Variants in SYBU observed in about 807,000 individuals in gnomAD.
The protein encoded by SYBU is syntabulin, also known as GOLSYN A protein.
Under a neutral mutation model 35.9 loss-of-function variants are expected in SYBU, and 21 were observed. The ratio of observed to expected loss-of-function variants is 0.58; its 90% CI spans 0.41 to 0.84. The LOEUF is 0.84. Ranked by LOEUF, SYBU falls within the 40% of genes least tolerant of loss-of-function variation. The probability of loss-of-function intolerance (pLI) is 0.00; values close to 1 mark genes in which losing one functional copy is unlikely to be tolerated. For missense variants in SYBU, 768 were observed against 848.2 expected, an observed-to-expected ratio of 0.91 and a Z score of 1.17; for synonymous variants, 319 against 324.3, an observed-to-expected ratio of 0.98 and a Z score of 0.18.
At chr8:109,642,176 C>T (rs7842227) in intron 2 of SYBU, among the ~76,000 whole-genome samples, 16,137 of 152,088 alleles carry the variant, frequency 0.11, 2,329 homozygotes, top group African/African-American at 0.33. Flanking sequence ...AAGCTGGAAA[C>T]CATCATTCTC....
chr8:109,634,024 G>A (rs1018026647), intron 2 of SYBU, among the ~76,000 whole-genome samples: 4 of 152,130 alleles, frequency 2.6e-5, no homozygotes, highest in Admixed American at 1.3e-4. Context: ...GTGAGCCACT[G>A]CAACTGGATA....
rs138352329 is a variant in SYBU, at chr8:109,687,455, C to A, written c.-58+3878G>T. On this transcript the variant is annotated intron_variant, in intron 1 of 7. Transcript: ENST00000422135. ...CACCACTGTTAATGTCTATGAAGCA[C>A]CCTGAGCATGGGATTCCAAGATATT... 1.9e-3 allele frequency among the ~76,000 whole-genome samples: 286 copies of A among 152,214 alleles called. 2 individuals are homozygous for A. Among genetic ancestry groups the A allele is most frequent in the African/African-American group, 5.9e-3 (245 of 41,538 alleles).
intron 2 of SYBU, among the ~76,000 whole-genome samples, chr8:109,625,788 G>A (rs73317098): frequency 0.054 from 8,269 of 152,144 alleles, 754 homozygotes; most frequent in African/African-American, 0.19. Flanking sequence ...TTTTCTCACT[G>A]TTATTAAAAT....
chr8:109,688,036 G>A (rs1453393387), intron 1 of SYBU, among the ~76,000 whole-genome samples: 1 of 152,080 alleles, frequency 6.6e-6, no homozygotes, highest in African/African-American at 2.4e-5. Context: ...AGGTCCTGGA[G>A]CACCTCCCAA....
At chr8:109,590,613 A>G (rs1446317968) in intron 3 of SYBU, among the ~76,000 whole-genome samples, 1 of 152,140 alleles carries the variant, frequency 6.6e-6, no homozygotes. Flanking sequence ...AAGTATTTAG[A>G]AGTGAATAAT....
At chr8:109,589,888 T>C (rs1824024532) in intron 3 of SYBU, among the ~76,000 whole-genome samples, 1 of 152,100 alleles carries the variant, frequency 6.6e-6, no homozygotes, top group Non-Finnish European at 1.5e-5. Context: ...TACTAAGCAG[T>C]ATTAAGCCAT....
intron 1 of SYBU, chr8:109,644,164 C>A (rs546559055): frequency 4.3e-6 from 2 of 460,324 alleles, no homozygotes; most frequent in South Asian, 3.1e-5. Context: ...TCCACTCTAC[C>A]CGGGGGCCGC....
intron 3 of SYBU, among the ~76,000 whole-genome samples, chr8:109,587,456 ACTTC>A (rs1223292715): frequency 6.6e-6 from 1 of 152,184 alleles, no homozygotes; most frequent in Non-Finnish European, 1.5e-5. Flanking sequence ...TCTTCATGCT[ACTTC>A]TCCCATACTA....
intron 4 of SYBU, 124 bp from the exon 5 acceptor site, chr8:109,580,126 G>C (rs905492534): frequency 1.1e-6 from 1 of 883,818 alleles, no homozygotes; most frequent in East Asian, 2.6e-5. Flanking sequence ...ACAATTATTC[G>C]TGTAGACTGT....
Position 109,597,096 on chromosome 8 carries a change from G to A in SYBU, c.428-10934C>T, listed in dbSNP as rs368543496. ...GACCCTGAATAGCCCTCAAAGATCA[G>A]GAATTACGTGATGCCCTGTTGAGTT... On this transcript the variant is annotated intron_variant, in intron 3 of 6. Coordinates refer to ENST00000276646, the MANE Select transcript of SYBU (RefSeq NM_001099754.2). Among the ~76,000 whole-genome samples, 5 of 152,154 alleles carry A rather than the reference G, an allele frequency of 3.3e-5. No individual in the cohort carries two copies. In the East Asian group the frequency reaches 7.7e-4, roughly 23 times the overall value.
upstream of SYBU, chr8:109,648,775 T>C (rs145051093): frequency 2.3e-4 from 35 of 151,936 alleles, no homozygotes; most frequent in African/African-American, 8.5e-4. Context: ...CAAGAGCTGC[T>C]GTCTCTCTCG....
chr8:109,605,715 G>C (rs1450785746), intron 3 of SYBU, among the ~76,000 whole-genome samples: 2 of 152,168 alleles, frequency 1.3e-5, no homozygotes, highest in Admixed American at 6.5e-5. Flanking sequence ...ATGTCACACA[G>C]AATTAGTGCA....
chr8:109,588,740 C>T (rs908555624), intron 3 of SYBU, among the ~76,000 whole-genome samples: 4 of 151,132 alleles, frequency 2.6e-5, no homozygotes, highest in African/African-American at 9.8e-5. Flanking sequence ...TATTAGTTGG[C>T]AACAAAGATA....
chr8:109,682,469 G>T (rs893323151), upstream of SYBU, among the ~76,000 whole-genome samples: 4 of 152,280 alleles, frequency 2.6e-5, no homozygotes, highest in African/African-American at 9.6e-5. Context: ...CAAAGAGACT[G>T]GTGGGATTTT....
chr8:109,619,884 A>T (rs761994749), intron 2 of SYBU, among the ~76,000 whole-genome samples: 22 of 152,232 alleles, frequency 1.4e-4, no homozygotes, highest in Non-Finnish European at 3.1e-4. Flanking sequence ...AAAATACATA[A>T]ATCAGATATA....
chr8:109,631,655 T>C (rs1018647788), intron 2 of SYBU, among the ~76,000 whole-genome samples: 2 of 152,206 alleles, frequency 1.3e-5, no homozygotes, highest in African/African-American at 2.4e-5. Context: ...AAATATTTAA[T>C]GTAGAATGAG....
rs779685780 is a variant in SYBU at position 109,575,119 on chromosome 8, C to T, written c.1779G>A (p.Leu593=). The T allele has an allele frequency of 2.5e-6, 4 of 1,613,560 alleles. No homozygotes were observed. In the East Asian group the frequency reaches 8.9e-5, roughly 36 times the overall value. Residue 593 remains leucine (L), a synonymous_variant, in exon 7 of 7, where the codon CTG becomes CTA. Coordinates refer to ENST00000276646, the MANE Select transcript of SYBU (RefSeq NM_001099754.2). ...ACTGCCTCACGACGCCCCCGCGAGC[C>T]AGTGGGATGACACCATCCAACCTCT... The part of the protein sequence containing the change: ...VEERLDGVIP[L]ARGGVVRQYW...
chr8:109,681,320 A>T (rs527545172), upstream of SYBU, among the ~76,000 whole-genome samples: 2 of 152,350 alleles, frequency 1.3e-5, no homozygotes, highest in African/African-American at 4.8e-5. Context: ...GATTAAGCTT[A>T]GTATAATGGG....
At chr8:109,685,265 T>C (rs1407363515), upstream of SYBU, among the ~76,000 whole-genome samples, 1 of 152,230 alleles carries the variant, frequency 6.6e-6, no homozygotes, top group East Asian at 1.9e-4. Flanking sequence ...ATTTTTGCTT[T>C]TCATAATTTA....
Sources: gnomAD v4.1 joint callset for allele counts (sites outside exome capture counted in the v4.1 genomes callset) on GRCh38, gnomAD v4.1.1 for gene constraint, MANE v1.5 for transcripts, NCBI Gene and HGNC (gene_info 2026-07-23, HGNC 2026-07-21) for gene names.